The following TIAM1 variants were observed in gnomAD, a reference collection of about 807,000 sequenced individuals.
The protein encoded by TIAM1 is rho guanine nucleotide exchange factor TIAM1.
A neutral mutation model predicts 163.5 loss-of-function variants in TIAM1; 65 were observed. The observed-to-expected ratio is 0.40, with a 90% CI of 0.33 to 0.49. The LOEUF is 0.49. TIAM1 is among the 20% of genes least tolerant of loss of function. The pLI, the probability that TIAM1 is intolerant of heterozygous loss-of-function variation, is 0.77. For synonymous variants in TIAM1, 833 were observed against 810.1 expected (o/e 1.03, Z -0.48); for missense variants, 1,789 against 2,044.7 (o/e 0.87, Z 2.41).
intron 16 of TIAM1, among the ~76,000 whole-genome samples, chr21:31,155,244 C>T (rs1372085737): frequency 1.3e-5 from 2 of 152,216 alleles, no homozygotes; most frequent in Non-Finnish European, 2.9e-5. Flanking sequence ...TTCTCCAAAG[C>T]AAGGGCTGCT....
At chr21:31,388,423 T>C (rs1390689532) in intron 2 of TIAM1, among the ~76,000 whole-genome samples, 1 of 151,904 alleles carries the variant, frequency 6.6e-6, no homozygotes, top group African/African-American at 2.4e-5. Flanking sequence ...GGAGGATCAC[T>C]TAAGACCAGG....
intron 2 of TIAM1, among the ~76,000 whole-genome samples, chr21:31,451,136 T>C (rs868278811): frequency 6.6e-6 from 1 of 151,198 alleles, no homozygotes; most frequent in Non-Finnish European, 1.5e-5. Context: ...GGCCCCGGCA[T>C]CTGCGTCATC....
At chr21:31,454,849 T>C (rs548737249) in intron 2 of TIAM1, among the ~76,000 whole-genome samples, 1 of 152,240 alleles carries the variant, frequency 6.6e-6, no homozygotes, top group South Asian at 2.1e-4. Context: ...AGTGAGCGTC[T>C]GGGGACAGCG....
intron 15 of TIAM1, among the ~76,000 whole-genome samples, chr21:31,168,224 C>T (rs956411691): frequency 6.6e-6 from 1 of 151,694 alleles, no homozygotes; most frequent in Non-Finnish European, 1.5e-5. Flanking sequence ...TCCTGAGTAG[C>T]TGGGATTACA....
intron 8 of TIAM1, among the ~76,000 whole-genome samples, chr21:31,219,498 C>T (rs1461288477): frequency 1.3e-5 from 2 of 152,208 alleles, no homozygotes; most frequent in South Asian, 2.1e-4. Flanking sequence ...TGAGGGGCCT[C>T]CCCAGCAGTC....
At chr21:31,191,025 A>G (rs1372640160) in intron 13 of TIAM1, among the ~76,000 whole-genome samples, 1 of 152,206 alleles carries the variant, frequency 6.6e-6, no homozygotes, top group African/African-American at 2.4e-5. Context: ...TCCAGAGGCA[A>G]TCAGATCTCT....
chr21:31,495,665 G>A (rs73345609), intron 1 of TIAM1, among the ~76,000 whole-genome samples: 6,899 of 152,258 alleles, frequency 0.045, 372 homozygotes, highest in African/African-American at 0.13. Context: ...AACCATATAC[G>A]ACAGTGCTCT....
intron 2 of TIAM1, among the ~76,000 whole-genome samples, chr21:31,459,408 A>G (rs997794911): frequency 6.6e-6 from 1 of 152,252 alleles, no homozygotes; most frequent in African/African-American, 2.4e-5. Context: ...AAGAAGGAAG[A>G]AGAAAACCAA....
chr21:31,418,162 C>T (rs959186233), intron 2 of TIAM1, among the ~76,000 whole-genome samples: 1 of 151,660 alleles, frequency 6.6e-6, no homozygotes, highest in African/African-American at 2.4e-5. Flanking sequence ...GCCAACATGG[C>T]GAAACCCCAT....
intron 2 of TIAM1, among the ~76,000 whole-genome samples, chr21:31,459,783 G>A (rs994159300): frequency 6.6e-6 from 1 of 152,180 alleles, no homozygotes; most frequent in East Asian, 1.9e-4. Context: ...CAGAGTAAGA[G>A]TGAATATAAG....
rs138776918 is a variant in TIAM1 at position 31,165,024 on chromosome 21, C to A, written c.2929G>T (p.Ala977Ser). The A allele has an allele frequency of 1.9e-6, 3 of 1,613,954 alleles. No homozygotes were observed. In the African/African-American group the frequency reaches 4.0e-5, roughly 22 times the overall value. ...TCTGGCCCCTCGGTCTCCTCTGGAG[C>A]GGTCTCAGCACTGCTGCCCTGCTCG... The part of the protein sequence containing the change: ...CSEQGSSAET[A>S]PEETEGPDLE... The change falls in exon 16 of 28, where the codon GCT (alanine) becomes TCT (serine). Residue 977 changes from alanine to serine, a missense_variant. Ala to Ser is a moderately conservative substitution (Grantham distance 99). Around this residue, in one of 5 missense-constraint regions of TIAM1, gnomAD observed 303 missense variants for 321.3 expected, o/e 0.94. Coordinates refer to ENST00000541036, the MANE Select transcript of TIAM1 (RefSeq NM_001353694.2).
At chr21:31,362,340 G>A (rs1357668679) in intron 2 of TIAM1, among the ~76,000 whole-genome samples, 1 of 151,962 alleles carries the variant, frequency 6.6e-6, no homozygotes, top group Admixed American at 6.6e-5. Flanking sequence ...GAGAAGGGAA[G>A]AGCTGACTTA....
intron 15 of TIAM1, among the ~76,000 whole-genome samples, chr21:31,171,740 C>T (rs1028326136): frequency 3.9e-5 from 6 of 152,150 alleles, no homozygotes; most frequent in Non-Finnish European, 8.8e-5. Context: ...TTGTGATTTG[C>T]TTTGATAATA....
intron 2 of TIAM1, among the ~76,000 whole-genome samples, chr21:31,357,359 G>A (rs1011927547): frequency 7.9e-5 from 12 of 152,108 alleles, no homozygotes; most frequent in African/African-American, 2.9e-4. Context: ...CTACTTCTCT[G>A]AGAAAAATGA....
At chr21:31,316,422 T>C (rs1289875774) in intron 2 of TIAM1, among the ~76,000 whole-genome samples, 2 of 152,204 alleles carry the variant, frequency 1.3e-5, no homozygotes, top group Non-Finnish European at 2.9e-5. Flanking sequence ...GGCATGAGCA[T>C]TTTTCATAAA....
chr21:31,249,898 G>A (rs746551192), intron 5 of TIAM1, among the ~76,000 whole-genome samples: 77 of 152,138 alleles, frequency 5.1e-4, no homozygotes, highest in Non-Finnish European at 9.7e-4. Flanking sequence ...CAATGCAACT[G>A]TAAACCCAAG....
chr21:31,555,973 A>G (rs79139141), intron 1 of TIAM1, among the ~76,000 whole-genome samples: 1 of 151,942 alleles, frequency 6.6e-6, no homozygotes, highest in South Asian at 2.1e-4. Flanking sequence ...AGAAGAGAGG[A>G]GCAAGGAGAA....
intron 2 of TIAM1, among the ~76,000 whole-genome samples, chr21:31,381,502 T>A (rs1228701153): frequency 6.6e-6 from 1 of 152,058 alleles, no homozygotes; most frequent in Non-Finnish European, 1.5e-5. Flanking sequence ...TCCCTGTCTC[T>A]ACTAAAAATA....
chr21:31,440,559 GT>G (rs2147299709), intron 2 of TIAM1, among the ~76,000 whole-genome samples: 1 of 152,322 alleles, frequency 6.6e-6, no homozygotes, highest in African/African-American at 2.4e-5. Flanking sequence ...AGCAGAATAG[GT>G]TAAGAAAACC....
Sources: gnomAD v4.1 joint callset for allele counts (sites outside exome capture counted in the v4.1 genomes callset) on GRCh38, gnomAD v4.1.1 for gene constraint, gnomAD v4.1.1 regional missense constraint, MANE v1.5 for transcripts, NCBI Gene and HGNC (gene_info 2026-07-23, HGNC 2026-07-21) for gene names.